RAB27B: variants seen among roughly 807,000 people sequenced by gnomAD.
RAB27B encodes RAB27B, member RAS oncogene family.
In RAB27B, 15 loss-of-function variants were observed where a neutral mutation model predicts 24.6. The ratio of observed to expected loss-of-function variants is 0.61; its 90% CI spans 0.41 to 0.94. RAB27B has a LOEUF of 0.94. Among genes scored for constraint, RAB27B ranks in the 40% least tolerant of loss-of-function variants. RAB27B has a pLI of 0.00. For synonymous variants in RAB27B, 105 were observed against 92.5 expected, an observed-to-expected ratio of 1.14 and a Z score of -0.78; for missense variants, 261 against 266.8, an observed-to-expected ratio of 0.98 and a Z score of 0.15.
At chr18:54,813,216 T>A (rs1568076617) in intron 2 of RAB27B, among the ~76,000 whole-genome samples, 1 of 152,190 alleles carries the variant, frequency 6.6e-6, no homozygotes, top group Non-Finnish European at 1.5e-5. Flanking sequence ...CTTACCTTCT[T>A]CTATTGCCTA....
chr18:54,733,650 G>GGCCC (rs1909794792), intron 2 of RAB27B, among the ~76,000 whole-genome samples: 13 of 92,296 alleles, frequency 1.4e-4, no homozygotes, highest in Non-Finnish European at 1.8e-4. Flanking sequence ...CTGTTCTAGA[G>GGCCC]CCCCCCCCCC....
intron 1 of RAB27B, among the ~76,000 whole-genome samples, chr18:54,840,489 A>T (rs150682680): frequency 4.9e-4 from 74 of 152,340 alleles, no homozygotes; most frequent in African/African-American, 1.7e-3. Context: ...TACAAGAAGA[A>T]TTTGGGGCAA....
chr18:54,886,308 C>T (rs1716271517), intron 4 of RAB27B, among the ~76,000 whole-genome samples: 1 of 152,108 alleles, frequency 6.6e-6, no homozygotes, highest in Admixed American at 6.6e-5. Context: ...AATGTAAGCT[C>T]TTATGAGAGT....
chr18:54,778,478 T>A (rs960270996), intron 2 of RAB27B, among the ~76,000 whole-genome samples: 4 of 152,210 alleles, frequency 2.6e-5, no homozygotes, highest in African/African-American at 9.6e-5. Context: ...TGCAGACAAC[T>A]TTTGATGAAA....
At chr18:54,742,946 A>G (rs1373496903) in intron 2 of RAB27B, among the ~76,000 whole-genome samples, 3 of 152,208 alleles carry the variant, frequency 2.0e-5, no homozygotes, top group Non-Finnish European at 2.9e-5. Flanking sequence ...CAGACCATGT[A>G]CTACTTTTGG....
intron 2 of RAB27B, among the ~76,000 whole-genome samples, chr18:54,735,815 C>A (rs569278042): frequency 2.0e-5 from 3 of 152,276 alleles, no homozygotes; most frequent in Non-Finnish European, 4.4e-5. Context: ...AGTCACCACT[C>A]CCAGCTGACA....
intron 2 of RAB27B, among the ~76,000 whole-genome samples, chr18:54,814,886 C>T (rs552518226): frequency 6.6e-5 from 10 of 152,250 alleles, no homozygotes; most frequent in South Asian, 2.1e-4. Context: ...TCTGTGAACA[C>T]GTTTGTGAGT....
chr18:54,820,840 G>A (rs1298232882), intron 2 of RAB27B, among the ~76,000 whole-genome samples: 3 of 152,166 alleles, frequency 2.0e-5, no homozygotes, highest in Non-Finnish European at 4.4e-5. Context: ...CATATGGCTA[G>A]CTAGTTTTCC....
intron 2 of RAB27B, among the ~76,000 whole-genome samples, chr18:54,728,564 T>C (rs888230748): frequency 1.3e-5 from 2 of 151,324 alleles, no homozygotes; most frequent in African/African-American, 4.9e-5. Flanking sequence ...GTTCTTTGAG[T>C]GGAAGGGAAA....
intron 1 of RAB27B, among the ~76,000 whole-genome samples, chr18:54,849,346 A>G (rs1366213486): frequency 6.6e-6 from 1 of 152,182 alleles, no homozygotes; most frequent in Non-Finnish European, 1.5e-5. Flanking sequence ...TATCTTTAAC[A>G]GCTCTTGAAA....
chr18:54,754,383 A>G (rs930301251), intron 2 of RAB27B, among the ~76,000 whole-genome samples: 2 of 152,200 alleles, frequency 1.3e-5, no homozygotes, highest in Non-Finnish European at 2.9e-5. Flanking sequence ...CTCAGGTAGT[A>G]TCTTTATAGC....
chr18:54,835,625 C>T (rs931674477), intron 1 of RAB27B, among the ~76,000 whole-genome samples: 3 of 151,844 alleles, frequency 2.0e-5, no homozygotes, highest in Admixed American at 1.3e-4. Context: ...AGGGTTAAAA[C>T]GTAATAAAAC....
intron 1 of RAB27B, among the ~76,000 whole-genome samples, chr18:54,863,128 A>G (rs1312487245): frequency 2.6e-5 from 4 of 152,194 alleles, no homozygotes; most frequent in Non-Finnish European, 5.9e-5. Context: ...CTAAATGATA[A>G]TAGACTCAGA....
intron 2 of RAB27B, among the ~76,000 whole-genome samples, chr18:54,799,055 T>C (rs1909514802): frequency 6.6e-6 from 1 of 152,220 alleles, no homozygotes; most frequent in Non-Finnish European, 1.5e-5. Flanking sequence ...TTGTCATTGA[T>C]CTCTTCCTGG....
chr18:54,806,991 G>A (rs905196413), intron 2 of RAB27B, among the ~76,000 whole-genome samples: 5 of 152,052 alleles, frequency 3.3e-5, no homozygotes, highest in African/African-American at 1.2e-4. Flanking sequence ...ACTGCAACCA[G>A]GAGAACTCAA....
intron 2 of RAB27B, among the ~76,000 whole-genome samples, chr18:54,760,964 A>G (rs983596611): frequency 7.3e-5 from 11 of 151,436 alleles, no homozygotes; most frequent in African/African-American, 2.4e-4. Flanking sequence ...GGAAAGGTCT[A>G]TGGAGGGGCA....
At chr18:54,741,567 C>T (rs1487663780) in intron 2 of RAB27B, among the ~76,000 whole-genome samples, 4 of 152,132 alleles carry the variant, frequency 2.6e-5, no homozygotes, top group Admixed American at 6.6e-5. Context: ...AATCTCAGCT[C>T]ACTACAACCT....
chr18:54,747,965 A>T (rs899117357), intron 2 of RAB27B, among the ~76,000 whole-genome samples: 2 of 151,968 alleles, frequency 1.3e-5, no homozygotes, highest in African/African-American at 4.8e-5. Flanking sequence ...AAAATTAGCC[A>T]TGCTTGGTGA....
rs201059886 is a variant in RAB27B at position 54,812,844 on chromosome 18, ATATC to A, written c.-19-64719_-19-64716del. The stretch of plus-strand genomic sequence containing the variant: ...ATATGTATATGTACATCTGTACACA[ATATC>A]TATACCAAATAGTTGCAAATAAAAC... On this transcript the variant is annotated intron_variant, in intron 2 of 4. Coordinates refer to the RAB27B transcript ENST00000586570. Among the ~76,000 whole-genome samples, 788 of 152,316 alleles carry A rather than the reference ATATC, an allele frequency of 5.2e-3. 10 individuals are homozygous for A. Among genetic ancestry groups the A allele is most frequent in the African/African-American group, 0.016 (681 of 41,564 alleles).
Sources: gnomAD v4.1 joint callset for allele counts (sites outside exome capture counted in the v4.1 genomes callset) on GRCh38, gnomAD v4.1.1 for gene constraint, MANE v1.5 for transcripts, NCBI Gene and HGNC (gene_info 2026-07-23, HGNC 2026-07-21) for gene names.